ATP13A5: variants seen among roughly 807,000 people sequenced by gnomAD.
The protein encoded by ATP13A5 is probable cation-transporting ATPase 13A5.
Under a neutral mutation model 150.2 loss-of-function variants are expected in ATP13A5, and 149 were observed. That is an observed-to-expected ratio of 0.99 (90% CI 0.87 to 1.14). The LOEUF is 1.14. Ranked by LOEUF, ATP13A5 falls within the 50% of genes most tolerant of loss-of-function variation. The probability of loss-of-function intolerance (pLI) is 0.00; values close to 1 mark genes in which losing one functional copy is unlikely to be tolerated. For synonymous variants in ATP13A5, 497 were observed against 522.2 expected (o/e 0.95, Z 0.66); for missense variants, 1,383 against 1,449.3 (o/e 0.95, Z 0.74).
chr3:193,345,129 A>T, intron 7 of ATP13A5, 54 bp from the exon 8 acceptor site: 1 of 1,501,890 alleles, frequency 6.7e-7, no homozygotes, highest in Non-Finnish European at 9.3e-7. Flanking sequence ...TCTGAAAACC[A>T]CATGATCTCA....
At chr3:193,341,630 GA>G (rs1211328505) in intron 9 of ATP13A5, among the ~76,000 whole-genome samples, 3 of 152,150 alleles carry the variant, frequency 2.0e-5, no homozygotes, top group African/African-American at 7.2e-5. Flanking sequence ...CCCTCCATCA[GA>G]CCCCTCTCCC....
intron 29 of ATP13A5, among the ~76,000 whole-genome samples, chr3:193,275,704 T>C (rs1455569847): frequency 6.6e-6 from 1 of 152,216 alleles, no homozygotes; most frequent in Admixed American, 6.5e-5. Context: ...AGTGTTGAGC[T>C]CTAGAAATCA....
chr3:193,281,659 G>T (rs1002044994), intron 27 of ATP13A5, among the ~76,000 whole-genome samples: 2 of 152,120 alleles, frequency 1.3e-5, no homozygotes, highest in African/African-American at 4.8e-5. Context: ...TCAAAATAAA[G>T]TTGCTTGTAT....
intron 1 of ATP13A5, among the ~76,000 whole-genome samples, chr3:193,374,500 C>A (rs180730583): frequency 1.8e-3 from 278 of 152,144 alleles, no homozygotes; most frequent in African/African-American, 6.4e-3. Flanking sequence ...AAAAAATTAA[C>A]CAGCTGTTGT....
intron 13 of ATP13A5, among the ~76,000 whole-genome samples, chr3:193,326,654 T>C (rs1194911262): frequency 6.6e-6 from 1 of 152,198 alleles, no homozygotes; most frequent in Non-Finnish European, 1.5e-5. Context: ...CCCGCTAGAC[T>C]GTGAAACACC....
At chr3:193,283,232 T>G (rs976758025) in intron 27 of ATP13A5, among the ~76,000 whole-genome samples, 1 of 152,186 alleles carries the variant, frequency 6.6e-6, no homozygotes. Flanking sequence ...TTGGAGCAAC[T>G]TGTTTTAATC....
chr3:193,314,070 T>C lies in ATP13A5; in HGVS notation c.2282A>G (p.Gln761Arg). The C allele has an allele frequency of 6.2e-7, 1 of 1,613,776 alleles. No homozygotes were observed. The highest frequency in any genetic ancestry group is 8.5e-7 in the Non-Finnish European group (1 of 1,179,880). ...TCCAGTCTCTTGGTTCTCCACCAGC[T>C]GCCAGGTCACAGAGGCAGGAACAAA... ...EEFVPASVTW[Q>R]LVENQETGPG... The change falls in exon 19 of 30, where the codon CAG (glutamine) becomes CGG (arginine). Residue 761 changes from glutamine to arginine, a missense_variant. Coordinates refer to ENST00000342358, the MANE Select transcript of ATP13A5 (RefSeq NM_198505.4).
intron 2 of ATP13A5, 116 bp downstream of exon 2, chr3:193,363,991 T>C (rs558440439): frequency 8.3e-7 from 1 of 1,200,654 alleles, no homozygotes; most frequent in African/African-American, 1.5e-5. Flanking sequence ...ATGGAAACTC[T>C]TTAAATAGAG....
At position 193,338,323 on chromosome 3, in the gene ATP13A5, A is replaced by G. The variant is rs374546965; in HGVS notation, c.944-3224T>C. Among the ~76,000 whole-genome samples, 1,308 of 152,140 alleles carry G rather than the reference A, an allele frequency of 8.6e-3. 42 individuals carry two copies. The East Asian group carries it at 0.12, about 14-fold the overall frequency. On this transcript the variant is annotated intron_variant, in intron 9 of 29. Transcript: ENST00000342358. The stretch of plus-strand genomic sequence containing the variant: ...CCTGTCTTGTGCCAGTTTTCAAAGG[A>G]AATGCTTCCAGTTTTTGCCCATTCA...
At chr3:193,284,558 T>C (rs973012463) in intron 27 of ATP13A5, among the ~76,000 whole-genome samples, 4 of 152,204 alleles carry the variant, frequency 2.6e-5, no homozygotes, top group Non-Finnish European at 5.9e-5. Context: ...GGTCATAGAA[T>C]GGTTAAAGTA....
intron 23 of ATP13A5, among the ~76,000 whole-genome samples, chr3:193,302,723 A>G (rs997167594): frequency 6.6e-6 from 1 of 152,224 alleles, no homozygotes; most frequent in African/African-American, 2.4e-5. Flanking sequence ...CAAGTAAATC[A>G]TGTTTCAAAA....
intron 25 of ATP13A5, among the ~76,000 whole-genome samples, chr3:193,292,310 A>G (rs1717995342): frequency 6.6e-6 from 1 of 152,156 alleles, no homozygotes; most frequent in South Asian, 2.1e-4. Flanking sequence ...AAGAGGCTGC[A>G]GGTAGTGGAG....
chr3:193,322,713 G>A (rs1719329008), intron 14 of ATP13A5, 139 bp from the exon 15 acceptor site: 1 of 633,604 alleles, frequency 1.6e-6, no homozygotes. Flanking sequence ...TCTTAATACT[G>A]TCATTGTCAA....
chr3:193,295,296 C>A (rs769720845), intron 25 of ATP13A5, among the ~76,000 whole-genome samples: 12 of 152,020 alleles, frequency 7.9e-5, no homozygotes, highest in Non-Finnish European at 1.6e-4. Context: ...TTGAAATGCT[C>A]TTCTTTTAGC....
intron 25 of ATP13A5, among the ~76,000 whole-genome samples, chr3:193,291,381 C>T (rs1159698567): frequency 1.3e-5 from 2 of 152,086 alleles, no homozygotes; most frequent in African/African-American, 4.8e-5. Flanking sequence ...AATAAAGAAG[C>T]TGGCTGGCTT....
intron 5 of ATP13A5, among the ~76,000 whole-genome samples, chr3:193,359,196 C>T (rs1410742047): frequency 1.3e-5 from 2 of 152,210 alleles, no homozygotes; most frequent in African/African-American, 4.8e-5. Context: ...TTCCTCTCCT[C>T]CAACCAGCCC....
chr3:193,362,323 T>C, intron 5 of ATP13A5, 58 bp downstream of exon 5: 1 of 1,449,468 alleles, frequency 6.9e-7, no homozygotes, highest in South Asian at 1.2e-5. Flanking sequence ...TGATAACTGA[T>C]TTGATACTTC....
intron 1 of ATP13A5, among the ~76,000 whole-genome samples, chr3:193,374,443 G>C (rs1320640377): frequency 6.6e-6 from 1 of 152,090 alleles, no homozygotes; most frequent in Non-Finnish European, 1.5e-5. Flanking sequence ...AGGAGTTTGA[G>C]ACCAGCCTGG....
intron 5 of ATP13A5, among the ~76,000 whole-genome samples, chr3:193,359,353 A>G (rs917521999): frequency 6.6e-6 from 1 of 152,076 alleles, no homozygotes; most frequent in Non-Finnish European, 1.5e-5. Flanking sequence ...GGAGTAAGAG[A>G]GTAGGGTCTC....
Sources: allele counts gnomAD v4.1 joint callset (sites outside exome capture counted in the v4.1 genomes callset), GRCh38; gene constraint gnomAD v4.1.1; transcripts MANE v1.5; gene names NCBI Gene and HGNC (gene_info 2026-07-23, HGNC 2026-07-21).